The following TBC1D8 variants were observed in gnomAD, a reference collection of about 807,000 sequenced individuals.
The protein encoded by TBC1D8 is BUB2-like protein 1.
Under a neutral mutation model 118.8 loss-of-function variants are expected in TBC1D8, and 65 were observed. That is an observed-to-expected ratio of 0.55 (90% confidence interval 0.45 to 0.67). The LOEUF (loss-of-function observed/expected upper bound fraction) is 0.67. Among genes scored for constraint, TBC1D8 ranks in the 30% least tolerant of loss-of-function variants. The pLI is 0.00. For missense variants in TBC1D8, 1,376 were observed against 1,471.2 expected (o/e 0.94, Z 1.06); for synonymous variants, 566 against 595.8 (o/e 0.95, Z 0.73).
Position 101,033,711 on chromosome 2 carries a change from C to T in TBC1D8, c.1651G>A (p.Val551Met), listed in dbSNP as rs779489061. 6.2e-7 allele frequency: 1 copy of T among 1,613,972 alleles called. No homozygotes were observed. The highest frequency in any genetic ancestry group is 2.2e-5 in the East Asian group (1 of 44,874). ...CAGCATTTCCCCAGGGACTCCTCCA[C>T]CAGATTCCCGTAGTAACCAGGGTGT... The part of the protein sequence containing the change: ...ASHPGYYGNL[V>M]EESLGKCCLV... Residue 551 changes from valine to methionine, a missense_variant, in exon 10 of 20, where the codon GTG becomes ATG. Val to Met is a conservative substitution (Grantham distance 21). Transcript: ENST00000409318.
chr2:101,090,765 C>T (rs1028821716), intron 1 of TBC1D8, among the ~76,000 whole-genome samples: 1 of 152,186 alleles, frequency 6.6e-6, no homozygotes, highest in Non-Finnish European at 1.5e-5. Flanking sequence ...CTTGTCTGTG[C>T]CCTGGATTCC....
At chr2:101,126,504 C>G (rs752331109) in intron 1 of TBC1D8, among the ~76,000 whole-genome samples, 3 of 152,142 alleles carry the variant, frequency 2.0e-5, no homozygotes, top group Admixed American at 6.5e-5. Context: ...AAGACAGATA[C>G]CAGGGCCCTG....
chr2:101,130,920 T>A lies in TBC1D8; in HGVS notation c.127+20207A>T, dbSNP rs140266363. Among the ~76,000 whole-genome samples, 698 of 152,304 alleles carry A rather than the reference T, an allele frequency of 4.6e-3. 9 individuals are homozygous for A. In the East Asian group the frequency reaches 0.047, roughly 10 times the overall value. On this transcript the variant is annotated intron_variant, in intron 1 of 19. Transcript: ENST00000409318. ...CTAACACTGCAATAATGCATATACATTATATCAAAAACTCCTGTGTTGAAG... is the reference window on the plus strand; with the variant it reads ...CTAACACTGCAATAATGCATATACAATATATCAAAAACTCCTGTGTTGAAG...
At chr2:101,027,196 G>C (rs1680386359) in intron 15 of TBC1D8, among the ~76,000 whole-genome samples, 187 bp downstream of exon 15, 1 of 152,188 alleles carries the variant, frequency 6.6e-6, no homozygotes, top group Non-Finnish European at 1.5e-5. Context: ...TTCTAGGGTG[G>C]AGGGTGGGGA....
chr2:101,083,262 C>CT lies in TBC1D8; in HGVS notation c.283+6946dup, dbSNP rs142174193. Among the ~76,000 whole-genome samples the CT allele has an allele frequency of 4.8e-3, 725 of 152,278 alleles. 8 individuals carry two copies. Among genetic ancestry groups the CT allele is most frequent in the African/African-American group, 0.017 (703 of 41,552 alleles). On this transcript the variant is annotated intron_variant, in intron 2 of 19. Coordinates refer to ENST00000409318, the MANE Select transcript of TBC1D8 (RefSeq NM_001330348.2). ...AGGCATCAGAAGGTCACAAGTATGA[C>CT]TCTCAGAGAAATTTTACTTCCATGA... is the stretch of plus-strand genomic sequence containing the variant.
At chr2:101,029,824 C>A in intron 11 of TBC1D8, 48 bp from the exon 12 acceptor site, 2 of 1,561,050 alleles carry the variant, frequency 1.3e-6, no homozygotes, top group Non-Finnish European at 1.7e-6. Flanking sequence ...GACTCACTCT[C>A]TAAGGTCAGT....
chr2:101,117,545 T>A (rs1677876566), intron 1 of TBC1D8, among the ~76,000 whole-genome samples: 1 of 151,444 alleles, frequency 6.6e-6, no homozygotes, highest in South Asian at 2.1e-4. Flanking sequence ...TCAAGGCCTA[T>A]GACAGTTGGT....
At chr2:101,134,195 T>TCA (rs1429845189) in intron 1 of TBC1D8, among the ~76,000 whole-genome samples, 144 of 62,852 alleles carry the variant, frequency 2.3e-3, no homozygotes, top group Admixed American at 9.0e-3. Context: ...TCTCTCTCTC[T>TCA]CTCACACACA....
chr2:101,040,031 A>G, intron 6 of TBC1D8, 147 bp downstream of exon 6: 1 of 863,552 alleles, frequency 1.2e-6, no homozygotes, highest in East Asian at 2.6e-5. Context: ...TGCCTCCCTC[A>G]AGAAGCCCAG....
At chr2:101,057,434 T>C (rs1285685741) in intron 3 of TBC1D8, among the ~76,000 whole-genome samples, 1 of 152,238 alleles carries the variant, frequency 6.6e-6, no homozygotes, top group Non-Finnish European at 1.5e-5. Flanking sequence ...AATGCACTGT[T>C]CTTTGCTGAG....
chr2:101,120,306 C>T (rs375900229), intron 1 of TBC1D8, among the ~76,000 whole-genome samples: 45 of 152,286 alleles, frequency 3.0e-4, no homozygotes, highest in African/African-American at 1.1e-3. Flanking sequence ...TCCTGGTGCC[C>T]AAAACATCTT....
In TBC1D8 at chr2:101,032,368, G is replaced by A; in HGVS notation, c.1836C>T (p.Thr612=). 1.9e-6 allele frequency: 3 copies of A among 1,613,768 alleles called. No individual in the cohort carries two copies. Among genetic ancestry groups the A allele is most frequent in the Non-Finnish European group, 2.5e-6 (3 of 1,179,718 alleles). The change falls in exon 11 of 20, where the codon ACC becomes ACT. Residue 612 remains threonine, a synonymous_variant. Coordinates refer to ENST00000409318, the MANE Select transcript of TBC1D8 (RefSeq NM_001330348.2). ...IGYCQSMNIL[T]SVLLLYTKEE... ...CCTTGGTGTACAGCAGCAGCACGGA[G>A]GTCAGGATGTTCATGGACTGCTCGG...
intron 2 of TBC1D8, among the ~76,000 whole-genome samples, chr2:101,082,604 A>G (rs1675336923): frequency 6.6e-6 from 1 of 152,222 alleles, no homozygotes; most frequent in Non-Finnish European, 1.5e-5. Flanking sequence ...AAAACGACGG[A>G]CTTTCTGACA....
At position 101,025,077 on chromosome 2, in the gene TBC1D8, AAAGT is replaced by A. The variant is rs550383593; in HGVS notation, c.2520+2302_2520+2305del. Among the ~76,000 whole-genome samples, 27 of 152,318 alleles carry A rather than the reference AAAGT, an allele frequency of 1.8e-4. 1 individual carries two copies. In the South Asian group the frequency reaches 5.0e-3, roughly 28 times the overall value. On this transcript the variant is annotated intron_variant, in intron 15 of 19. Coordinates refer to ENST00000409318, the MANE Select transcript of TBC1D8 (RefSeq NM_001330348.2). ...TAATCTCACTTCTATGTGGGAAAGA[AAAGT>A]AAGTGTGTGTGTATGTATTGTAGGC...
intron 1 of TBC1D8, among the ~76,000 whole-genome samples, chr2:101,141,949 C>T (rs533264532): frequency 1.4e-4 from 21 of 152,218 alleles, no homozygotes; most frequent in African/African-American, 3.6e-4. Flanking sequence ...ATTCTCATCC[C>T]TATTAGTAAC....
intron 17 of TBC1D8, among the ~76,000 whole-genome samples, chr2:101,012,725 G>A (rs894657207): frequency 6.6e-6 from 1 of 152,226 alleles, no homozygotes; most frequent in Non-Finnish European, 1.5e-5. Context: ...ACAATTATCG[G>A]GGATGACAGG....
chr2:101,115,243 C>T (rs12613110), intron 1 of TBC1D8, among the ~76,000 whole-genome samples: 44,750 of 152,072 alleles, frequency 0.29, 6,737 homozygotes, highest in East Asian at 0.38. Flanking sequence ...CACAAACAGA[C>T]AACCTGTGGG....
rs1288178271 is a variant in TBC1D8, at chr2:101,060,021, G to C, written c.284-482C>G. On this transcript the variant is annotated intron_variant, in intron 2 of 19. Coordinates refer to ENST00000409318, the MANE Select transcript of TBC1D8 (RefSeq NM_001330348.2). ...AAGGCACCCCCATAGGGGCCGTGGT[G>C]CTCCTCCCTGCAGGACTGGGATGTG... 1.4e-4 allele frequency among the ~76,000 whole-genome samples: 22 copies of C among 152,334 alleles called. No individual in the cohort carries two copies. The East Asian group carries it at 4.2e-3, about 29-fold the overall frequency.
chr2:101,059,217 T>C (rs1283245768), intron 3 of TBC1D8, among the ~76,000 whole-genome samples: 8 of 151,568 alleles, frequency 5.3e-5, no homozygotes, highest in Admixed American at 4.6e-4. Context: ...AAGTCTTTTT[T>C]TTTTTTTTTT....
Sources: gnomAD v4.1 joint callset for allele counts (sites outside exome capture counted in the v4.1 genomes callset) on GRCh38, gnomAD v4.1.1 for gene constraint, MANE v1.5 for transcripts, NCBI Gene and HGNC (gene_info 2026-07-23, HGNC 2026-07-21) for gene names.